The following ITGAV variants were observed in gnomAD, a reference collection of about 807,000 sequenced individuals.
ITGAV encodes integrin subunit alpha V.
ITGAV carries 76 observed loss-of-function variants against 143.8 expected under a neutral mutation model. The observed-to-expected ratio is 0.53, with a 90% CI of 0.44 to 0.64. The LOEUF is 0.64. ITGAV is among the 30% of genes least tolerant of loss of function. The probability of loss-of-function intolerance (pLI) is 0.00; values close to 1 mark genes in which losing one functional copy is unlikely to be tolerated. For synonymous variants in ITGAV, 453 were observed against 446.7 expected, an observed-to-expected ratio of 1.01 and a Z score of -0.18; for missense variants, 1,193 against 1,274.7, an observed-to-expected ratio of 0.94 and a Z score of 0.98.
chr2:186,605,746 A>G (rs867538841), intron 2 of ITGAV, among the ~76,000 whole-genome samples: 3,501 of 142,814 alleles, frequency 0.025, 1,029 homozygotes, highest in African/African-American at 0.087. Flanking sequence ...ATGTGTATAT[A>G]TATATATATA....
chr2:186,614,135 A>G (rs1164944523), intron 2 of ITGAV, among the ~76,000 whole-genome samples: 2 of 152,118 alleles, frequency 1.3e-5, no homozygotes, highest in Non-Finnish European at 2.9e-5. Context: ...AAGGATATTT[A>G]TCCACACTAC....
chr2:186,636,991 GA>G (rs1687962372), intron 7 of ITGAV, 73 bp from the exon 8 acceptor site: 33 of 1,209,114 alleles, frequency 2.7e-5, no homozygotes, highest in Non-Finnish European at 3.8e-5. Context: ...TATTTTCAAG[GA>G]ATGCTTACTC....
intron 26 of ITGAV, among the ~76,000 whole-genome samples, chr2:186,670,819 C>T (rs911056480): frequency 1.3e-5 from 2 of 152,140 alleles, no homozygotes; most frequent in East Asian, 3.8e-4. Context: ...ATCCAACTGC[C>T]TACTAGAAAC....
At chr2:186,641,644 A>C (rs1688106870) in intron 12 of ITGAV, 56 bp downstream of exon 12, 5 of 1,422,682 alleles carry the variant, frequency 3.5e-6, no homozygotes, top group Non-Finnish European at 4.0e-6. Context: ...CACCTGGAAA[A>C]GTTCTGTAAG....
intron 13 of ITGAV, among the ~76,000 whole-genome samples, chr2:186,648,375 A>C (rs544833617): frequency 8.5e-4 from 129 of 152,274 alleles, no homozygotes; most frequent in Middle Eastern, 3.4e-3. Flanking sequence ...GTTTTCCCAT[A>C]CTTGTGCTTC....
chr2:186,600,196 C>G, intron 1 of ITGAV: 1 of 752,638 alleles, frequency 1.3e-6, no homozygotes, highest in Non-Finnish European at 2.2e-6. Flanking sequence ...CTCCTTCAGC[C>G]ATACCTTTCT....
At chr2:186,607,070 A>G (rs1005074612) in intron 2 of ITGAV, among the ~76,000 whole-genome samples, 1 of 152,144 alleles carries the variant, frequency 6.6e-6, no homozygotes, top group Non-Finnish European at 1.5e-5. Flanking sequence ...CATGGGCTCA[A>G]ATCTAGCCTC....
In ITGAV at chr2:186,643,484, A is replaced by C. The variant is rs138205935; in HGVS notation, c.1159+1896A>C. ...AGTACATATGTGCAAATATAGTTAC[A>C]TTATACATGTATATGTTCTATTAGT... On this transcript the variant is annotated intron_variant, in intron 12 of 29. Transcript: ENST00000261023. Among the ~76,000 whole-genome samples, 450 of 152,320 alleles carry C rather than the reference A, an allele frequency of 3.0e-3. 2 individuals carry two copies. Among genetic ancestry groups the C allele is most frequent in the African/African-American group, 0.01 (433 of 41,566 alleles).
At chr2:186,661,544 GT>G (rs1048539190) in intron 18 of ITGAV, among the ~76,000 whole-genome samples, 3 of 149,822 alleles carry the variant, frequency 2.0e-5, no homozygotes, top group Middle Eastern at 3.5e-3. Context: ...AAAGAGTTGG[GT>G]TTTTTTCTCT....
intron 15 of ITGAV, 102 bp downstream of exon 15, chr2:186,652,191 A>C (rs1425921554): frequency 1.4e-6 from 1 of 698,052 alleles, no homozygotes; most frequent in African/African-American, 1.8e-5. Flanking sequence ...TTGCTAAAAC[A>C]GTTTCTGTGA....
chr2:186,651,855 A>T lies in ITGAV; in HGVS notation c.1398-127A>T, dbSNP rs61762249. ...CGGTTATGTTGTTCCTGTTCCTTTTACTATTACAAACAATGCTTTTAGTAG... is the reference window on the plus strand; with the variant it reads ...CGGTTATGTTGTTCCTGTTCCTTTTTCTATTACAAACAATGCTTTTAGTAG... On this transcript the variant is annotated intron_variant, in intron 14 of 29. Transcript: ENST00000261023. 2.6e-3 allele frequency: 1,489 copies of T among 578,480 alleles called. 23 individuals carry two copies. Among genetic ancestry groups the T allele is most frequent in the African/African-American group, 0.026 (1,342 of 52,380 alleles). The allele number at this position is 578,480 out of a possible 1,614,324, so 35.8% of individuals were successfully genotyped here. A position where few individuals can be genotyped will look rare whatever the true frequency, so the allele number is the denominator to read the frequency against.
At chr2:186,670,807 A>C (rs1049613141) in intron 26 of ITGAV, among the ~76,000 whole-genome samples, 8 of 152,162 alleles carry the variant, frequency 5.3e-5, no homozygotes, top group South Asian at 2.1e-4. Context: ...TCAGATTCCA[A>C]TATCCAACTG....
intron 15 of ITGAV, among the ~76,000 whole-genome samples, chr2:186,652,547 G>A (rs1261455253): frequency 4.6e-5 from 7 of 152,052 alleles, no homozygotes; most frequent in African/African-American, 1.7e-4. Flanking sequence ...CTCCAAAAAG[G>A]ATATCTAAAG....
In ITGAV at chr2:186,590,192, C is replaced by T; in HGVS notation, c.-147C>T. On this transcript the variant is annotated 5_prime_UTR_variant, in exon 1 of 30. Transcript: ENST00000261023. ...CTCCGAAGCTCAGCCCTCTTGCCTG[C>T]CCCGGAGCTGTCCCGGGCTAGCCGA... is the stretch of plus-strand genomic sequence containing the variant. 3.2e-6 allele frequency: 2 copies of T among 621,702 alleles called. No individual in the cohort carries two copies. Among genetic ancestry groups the T allele is most frequent in the Non-Finnish European group, 4.8e-6 (2 of 413,150 alleles). The allele number at this position is 621,702 out of a possible 1,614,324, so 38.5% of individuals were successfully genotyped here.
chr2:186,648,305 C>T (rs1688317913), intron 13 of ITGAV, among the ~76,000 whole-genome samples: 1 of 152,124 alleles, frequency 6.6e-6, no homozygotes, highest in Non-Finnish European at 1.5e-5. Context: ...CATCCCACTC[C>T]CTCCACAGGA....
intron 16 of ITGAV, among the ~76,000 whole-genome samples, chr2:186,655,856 A>G (rs533115873): frequency 6.6e-6 from 1 of 152,194 alleles, no homozygotes; most frequent in East Asian, 1.9e-4. Context: ...ATATGAGCAA[A>G]TACTTCTTAA....
intron 14 of ITGAV, among the ~76,000 whole-genome samples, chr2:186,650,989 T>G (rs1559059748): frequency 6.6e-6 from 1 of 152,220 alleles, no homozygotes. Flanking sequence ...GACCACAAGG[T>G]CAGTATGTAA....
rs1471979188 is a variant in ITGAV at position 186,658,999 on chromosome 2, G to T, written c.1720-39G>T. ...TTATGGATTTCTCCAGATAATTTAGGTTGACGTTATCATTAATTCAAAGCG... is the reference window on the plus strand; with the variant it reads ...TTATGGATTTCTCCAGATAATTTAGTTTGACGTTATCATTAATTCAAAGCG... On this transcript the variant is annotated intron_variant, in intron 17 of 29. Coordinates refer to ENST00000261023, the MANE Select transcript of ITGAV (RefSeq NM_002210.5). The T allele has an allele frequency of 2.6e-6, 4 of 1,545,652 alleles. No individual in the cohort carries two copies. The South Asian group carries it at 4.7e-5, about 18-fold the overall frequency.
Position 186,602,148 on chromosome 2 carries a change from A to G in ITGAV, c.313A>G (p.Thr105Ala). The G allele has an allele frequency of 1.2e-6, 2 of 1,603,350 alleles. No homozygotes were observed. Among genetic ancestry groups the G allele is most frequent in the East Asian group, 2.2e-5 (1 of 44,790 alleles). The change falls in exon 2 of 30, where the codon ACA (threonine) becomes GCA (alanine). Residue 105 changes from threonine (T) to alanine (A), a missense_variant. Physicochemically the swap from Thr to Ala is moderately conservative, Grantham distance 58 (BLOSUM62 0). Coordinates refer to ENST00000261023, the MANE Select transcript of ITGAV (RefSeq NM_002210.5). ...RRCQPIEFDA[T>A]GNRDYAKDDP... Reference sequence around the variant, plus strand: ...GTGCCAGCCAATTGAATTTGATGCAACAGGTAAATTTTGATGCACAATTTT... The same window carrying G: ...GTGCCAGCCAATTGAATTTGATGCAGCAGGTAAATTTTGATGCACAATTTT...
Sources: gnomAD v4.1 joint callset for allele counts (sites outside exome capture counted in the v4.1 genomes callset) on GRCh38, gnomAD v4.1.1 for gene constraint, MANE v1.5 for transcripts, NCBI Gene and HGNC (gene_info 2026-07-23, HGNC 2026-07-21) for gene names.